Variants in COL4A4 observed in about 807,000 individuals in gnomAD.
COL4A4 encodes collagen type IV alpha 4 chain, also known as collagen alpha-4(IV) chain.
In COL4A4, 105 loss-of-function variants were observed where a neutral mutation model predicts 192.9. The observed-to-expected ratio is 0.54, with a 90% CI of 0.46 to 0.64. The LOEUF (loss-of-function observed/expected upper bound fraction) is 0.64. COL4A4 is among the 30% of genes least tolerant of loss of function. The probability of loss-of-function intolerance (pLI) is 0.00; values close to 1 mark genes in which losing one functional copy is unlikely to be tolerated. For missense variants in COL4A4, 1,967 were observed against 2,169.3 expected (o/e 0.91, Z 1.85); for synonymous variants, 762 against 769.9 (o/e 0.99, Z 0.17).
chr2:227,085,891 G>A (rs1227087214), intron 22 of COL4A4, among the ~76,000 whole-genome samples: 6 of 152,294 alleles, frequency 3.9e-5, no homozygotes, highest in Admixed American at 2.6e-4. Flanking sequence ...CCTTTGGTTC[G>A]CTCTGCAGCC....
chr2:227,048,727 G>A (rs1196968898), intron 34 of COL4A4, among the ~76,000 whole-genome samples: 1 of 152,166 alleles, frequency 6.6e-6, no homozygotes, highest in Admixed American at 6.5e-5. Context: ...ATACAAGCAT[G>A]AAGGAAGTGA....
intron 21 of COL4A4, among the ~76,000 whole-genome samples, chr2:227,089,129 CA>C (rs2059761940): frequency 1.3e-5 from 2 of 151,660 alleles, no homozygotes; most frequent in Non-Finnish European, 2.9e-5. Context: ...AAAAATAATT[CA>C]ACTTTTTTAT....
At chr2:227,052,165 T>C in intron 32 of COL4A4, 140 bp downstream of exon 32, 1 of 613,562 alleles carries the variant, frequency 1.6e-6, no homozygotes, top group Non-Finnish European at 3.0e-6. Context: ...CACTCCAGCC[T>C]GGGCGACAAG....
In COL4A4 at chr2:227,144,511, C is replaced by CTTA; in HGVS notation, c.114+2_114+4dup. On this transcript the variant is annotated splice_donor_region_variant and intron_variant, in intron 3 of 47. Coordinates refer to ENST00000396625, the MANE Select transcript of COL4A4 (RefSeq NM_000092.5). ...AACGCAACCAGAGCTAGTGAATGTA[C>CTTA]TTACCCCATATACATATTGTACAGA... The CTTA allele has an allele frequency of 1.9e-6, 3 of 1,608,556 alleles. No homozygotes were observed. The highest frequency in any genetic ancestry group is 2.6e-6 in the Non-Finnish European group (3 of 1,175,218).
At position 227,121,001 on chromosome 2, in the gene COL4A4, AG is replaced by A; in HGVS notation, c.327+12del. 1 of 1,614,000 alleles carries A rather than the reference AG, an allele frequency of 6.2e-7. No homozygotes were observed. Among genetic ancestry groups the A allele is most frequent in the Non-Finnish European group, 8.5e-7 (1 of 1,179,960 alleles). On this transcript the variant is annotated intron_variant, in intron 5 of 47. Transcript: ENST00000396625. ...AGTCTTTCATGTGAATCTCCACATA[AG>A]ATGTGGCTTACCTTATCTCCTTTGT...
intron 33 of COL4A4, among the ~76,000 whole-genome samples, chr2:227,050,558 C>G (rs1973856418): frequency 6.6e-6 from 1 of 152,158 alleles, no homozygotes; most frequent in Admixed American, 6.5e-5. Context: ...TATTGTACCT[C>G]CTGGATTCTG....
chr2:227,137,488 G>T (rs1303109836), intron 4 of COL4A4, among the ~76,000 whole-genome samples: 1 of 152,216 alleles, frequency 6.6e-6, no homozygotes, highest in African/African-American at 2.4e-5. Flanking sequence ...TTGCTCTGAA[G>T]GGTGGAAATA....
the COL4A4 span, among the ~76,000 whole-genome samples, chr2:226,974,106 G>T: frequency 6.6e-6 from 1 of 152,072 alleles, no homozygotes; most frequent in Non-Finnish European, 1.5e-5. Flanking sequence ...CACAGCACTC[G>T]GTGTAACACT....
intron 30 of COL4A4, among the ~76,000 whole-genome samples, chr2:227,054,998 C>G (rs1466162007): frequency 6.6e-6 from 1 of 152,094 alleles, no homozygotes; most frequent in Non-Finnish European, 1.5e-5. Flanking sequence ...CCATGTTGGC[C>G]AGGCTGGTCT....
rs577615436 is a variant in COL4A4, at chr2:227,123,295, C to T, written c.193-2147G>A. Among the ~76,000 whole-genome samples, 2 of 152,268 alleles carry T rather than the reference C, an allele frequency of 1.3e-5. No homozygotes were observed. The highest frequency in any genetic ancestry group is 4.1e-4 in the South Asian group (2 of 4,824). Reference sequence around the variant, plus strand: ...TGTTATATGCAATAGCAAGAGAAACCGGAAATCCACGGGAAAGGCACCAAC... The same window carrying T: ...TGTTATATGCAATAGCAAGAGAAACTGGAAATCCACGGGAAAGGCACCAAC... On this transcript the variant is annotated intron_variant, in intron 4 of 47. Transcript: ENST00000396625. This position sits in a 1 kb window ranked among gnomAD's most constrained non-coding sequence, Gnocchi z 4.6.
chr2:227,116,804 T>C (rs994989180), intron 7 of COL4A4, among the ~76,000 whole-genome samples: 1 of 152,092 alleles, frequency 6.6e-6, no homozygotes, highest in Non-Finnish European at 1.5e-5. Context: ...AAAGGAACCC[T>C]GAGAGATATT....
At chr2:226,990,617 G>A in the COL4A4 span, among the ~76,000 whole-genome samples, 4 of 152,048 alleles carry the variant, frequency 2.6e-5, no homozygotes, top group African/African-American at 4.8e-5. Context: ...ATTCTTATCT[G>A]GACAAAATTG....
chr2:227,020,650 C>A (rs1312768708), intron 44 of COL4A4, among the ~76,000 whole-genome samples: 2 of 151,904 alleles, frequency 1.3e-5, no homozygotes, highest in Non-Finnish European at 2.9e-5. Flanking sequence ...CAAAAAAAGT[C>A]CAAATCATAG....
At chr2:227,060,842 C>G (rs1228635247) in intron 26 of COL4A4, among the ~76,000 whole-genome samples, 1 of 151,980 alleles carries the variant, frequency 6.6e-6, no homozygotes, top group East Asian at 1.9e-4. Flanking sequence ...ATTCTCCTGC[C>G]TCAGCCTCCC....
rs2228557 is a variant in COL4A4, at chr2:227,007,466, G to A, written c.4932C>T (p.Phe1644=). Residue 1644 remains phenylalanine (F), a synonymous_variant, in exon 48 of 48, where the codon TTC becomes TTT. Transcript: ENST00000396625. ...CQGRQGTCHF[F]ANKYSFWLTT... is the part of the protein sequence containing the mutation. The stretch of plus-strand genomic sequence containing the variant: ...TGAGCCAGAAGCTATACTTATTTGC[G>A]AAAAAGTGGCAAGTTCCCTGCCGGC... The A allele has an allele frequency of 0.44, 702,802 of 1,613,496 alleles. 156,375 individuals carry two copies. Among genetic ancestry groups the A allele is most frequent in the African/African-American group, 0.6 (45,073 of 74,934 alleles).
chr2:227,120,140 G>A (rs758549891), intron 5 of COL4A4, among the ~76,000 whole-genome samples: 34 of 152,052 alleles, frequency 2.2e-4, no homozygotes, highest in Admixed American at 7.2e-4. Flanking sequence ...AAACAGCCTA[G>A]CAGTACTGAT....
chr2:227,125,026 T>TA (rs2062003908), intron 4 of COL4A4, among the ~76,000 whole-genome samples: 1 of 152,120 alleles, frequency 6.6e-6, no homozygotes, highest in African/African-American at 2.4e-5. Context: ...TAACTGACTA[T>TA]AAATCTCTTT....
At chr2:227,053,723 A>G (rs1364160978) in intron 31 of COL4A4, among the ~76,000 whole-genome samples, 1 of 151,064 alleles carries the variant, frequency 6.6e-6, no homozygotes, top group African/African-American at 2.4e-5. Context: ...AATTTTTTGT[A>G]GTTTTAGTAG....
chr2:227,138,721 G>C (rs568403564), intron 4 of COL4A4, among the ~76,000 whole-genome samples: 2 of 152,168 alleles, frequency 1.3e-5, no homozygotes, highest in African/African-American at 4.8e-5. Flanking sequence ...AGCAGTTTAA[G>C]CATCAGTGGA....
Sources: gnomAD v4.1 joint callset for allele counts (sites outside exome capture counted in the v4.1 genomes callset) on GRCh38, gnomAD v4.1.1 for gene constraint, Gnocchi (gnomAD v3.1) non-coding constraint, MANE v1.5 for transcripts, NCBI Gene and HGNC (gene_info 2026-07-23, HGNC 2026-07-21) for gene names.